Variants in SEZ6 observed in about 807,000 individuals in gnomAD.
SEZ6 encodes the protein seizure related 6 homolog.
SEZ6 carries 53 observed loss-of-function variants against 101.0 expected under a neutral mutation model. The observed-to-expected ratio is 0.52, with a 90% CI of 0.42 to 0.66. The LOEUF is 0.66. Among genes scored for constraint, SEZ6 ranks in the 30% least tolerant of loss-of-function variants. The pLI, the probability that SEZ6 is intolerant of heterozygous loss-of-function variation, is 0.00. For missense variants in SEZ6, 1,102 were observed against 1,289.4 expected (o/e 0.85, Z 2.23); for synonymous variants, 488 against 512.2 (o/e 0.95, Z 0.64).
Position 28,959,396 on chromosome 17 carries a change from C to T in SEZ6, c.1848G>A (p.Gly616=), listed in dbSNP as rs1188744601. The change falls in exon 9 of 17, where the codon GGG becomes GGA. Residue 616 remains glycine, a synonymous_variant. Transcript: ENST00000317338. This position sits in a 1 kb window ranked among gnomAD's most constrained non-coding sequence, Gnocchi z 4.4. Reference sequence around the variant, plus strand: ...CATGCACACCCCAGATACAATCCTGCCCACGACCGTAGGGCTCTGGCCAGT... The same window carrying T: ...CATGCACACCCCAGATACAATCCTGTCCACGACCGTAGGGCTCTGGCCAGT... ...SPNWPEPYGR[G]QDCIWGVHVE... 6.2e-7 allele frequency: 1 copy of T among 1,613,964 alleles called. No homozygotes were observed. The highest frequency in any genetic ancestry group is 2.2e-5 in the East Asian group (1 of 44,876).
Position 29,005,264 on chromosome 17 carries a change from G to A in SEZ6, c.55+551C>T, listed in dbSNP as rs1214110578. On this transcript the variant is annotated intron_variant, in intron 1 of 16. Coordinates refer to ENST00000317338, the MANE Select transcript of SEZ6 (RefSeq NM_178860.5). This position sits in a 1 kb window ranked among gnomAD's most constrained non-coding sequence, Gnocchi z 4.8. ...TGCTCTAGGTCCCGACTCTGGCGTG[G>A]CAGCGCCAGGGCATGGGGAGGTGAG... Among the ~76,000 whole-genome samples the A allele has an allele frequency of 3.9e-5, 6 of 152,228 alleles. No individual in the cohort carries two copies. The highest frequency in any genetic ancestry group is 7.3e-5 in the Non-Finnish European group (5 of 68,032).
At chr17:28,975,166 A>G (rs2041205600) in intron 3 of SEZ6, among the ~76,000 whole-genome samples, 1 of 152,178 alleles carries the variant, frequency 6.6e-6, no homozygotes, top group South Asian at 2.1e-4. Context: ...CCGGCTATGA[A>G]CTTACTTTGC....
chr17:28,992,473 T>G (rs1476747829), intron 1 of SEZ6, among the ~76,000 whole-genome samples: 1 of 152,158 alleles, frequency 6.6e-6, no homozygotes, highest in African/African-American at 2.4e-5. Context: ...GTCACTACCA[T>G]GTGTCCCTGC....
intron 1 of SEZ6, among the ~76,000 whole-genome samples, chr17:29,003,958 A>T (rs964806138): frequency 2.0e-5 from 3 of 152,004 alleles, no homozygotes; most frequent in African/African-American, 7.3e-5. Flanking sequence ...TCACACCCAC[A>T]TCCCCATCAG....
At position 29,001,815 on chromosome 17, in the gene SEZ6, A is replaced by G. The variant is rs1470277928; in HGVS notation, c.55+4000T>C. ...GCTGGCAGCATAGTCTCCGCCAGAAACCTCTTCTGTATAGAACCTGGCTCC... is the reference window on the plus strand; with the variant it reads ...GCTGGCAGCATAGTCTCCGCCAGAAGCCTCTTCTGTATAGAACCTGGCTCC... On this transcript the variant is annotated intron_variant, in intron 1 of 16. Transcript: ENST00000317338. Among the ~76,000 whole-genome samples the G allele has an allele frequency of 2.0e-5, 3 of 152,104 alleles. No individual in the cohort carries two copies. In the East Asian group the frequency reaches 5.8e-4, roughly 29 times the overall value.
intron 11 of SEZ6, 142 bp from the exon 12 acceptor site, chr17:28,957,681 G>A: frequency 1.0e-6 from 1 of 979,760 alleles, no homozygotes; most frequent in Admixed American, 2.8e-5. Flanking sequence ...CATTATGCTA[G>A]TGTGTCCCCC....
At chr17:28,965,241 A>G (rs2041046446) in intron 4 of SEZ6, among the ~76,000 whole-genome samples, 4 of 151,908 alleles carry the variant, frequency 2.6e-5, no homozygotes, top group African/African-American at 9.7e-5. Context: ...AATCCCAGCT[A>G]CTCGGGAGGC....
chr17:28,986,597 T>TA, intron 1 of SEZ6, among the ~76,000 whole-genome samples: 1 of 152,178 alleles, frequency 6.6e-6, no homozygotes, highest in African/African-American at 2.4e-5. Context: ...CTGGAGTCAT[T>TA]ACGCAGTGCC....
intron 1 of SEZ6, among the ~76,000 whole-genome samples, chr17:28,993,111 GTCT>G (rs2041488444): frequency 6.6e-6 from 1 of 151,970 alleles, no homozygotes; most frequent in Admixed American, 6.5e-5. Flanking sequence ...GGAAGGAATG[GTCT>G]TCTTGGCATC....
At chr17:28,997,154 G>A (rs2041553942) in intron 1 of SEZ6, among the ~76,000 whole-genome samples, 1 of 152,124 alleles carries the variant, frequency 6.6e-6, no homozygotes, top group Non-Finnish European at 1.5e-5. Context: ...GCCAGGAGAT[G>A]CGTGGGAATT....
intron 3 of SEZ6, among the ~76,000 whole-genome samples, chr17:28,972,695 C>T (rs973737386): frequency 6.6e-6 from 1 of 152,218 alleles, no homozygotes; most frequent in Non-Finnish European, 1.5e-5. Context: ...CTTGGAGATT[C>T]TGTGATTCTA....
intron 1 of SEZ6, among the ~76,000 whole-genome samples, chr17:28,983,961 A>G (rs1379747431): frequency 2.0e-5 from 3 of 152,152 alleles, no homozygotes; most frequent in African/African-American, 7.2e-5. Flanking sequence ...GGAGGGAGGA[A>G]ATTGGGTGGG....
chr17:28,980,207 CTTTTTTT>C (rs3052135), intron 2 of SEZ6, among the ~76,000 whole-genome samples: 1 of 132,934 alleles, frequency 7.5e-6, no homozygotes, highest in Non-Finnish European at 1.6e-5. Context: ...TGTTTTCTTT[CTTTTTTT>C]TTTTTTTTTT....
intron 1 of SEZ6, among the ~76,000 whole-genome samples, chr17:29,000,439 A>G (rs1399991483): frequency 1.3e-5 from 2 of 152,256 alleles, no homozygotes; most frequent in East Asian, 1.9e-4. Context: ...ACGCTTGACC[A>G]GTGAAGGCTG....
intron 14 of SEZ6, 57 bp downstream of exon 14, chr17:28,956,662 G>C (rs1416393125): frequency 7.1e-6 from 11 of 1,548,706 alleles, no homozygotes; most frequent in Admixed American, 2.0e-5. Flanking sequence ...TGACCTGGGA[G>C]CCGTGAGAAC....
chr17:28,959,432 T>A lies in SEZ6; in HGVS notation c.1812A>T (p.Val604=). The stretch of plus-strand genomic sequence containing the variant: ...AGGGCTCTGGCCAGTTGGGAGAGAG[T>A]ACCACGCCAGCCGAGTCTGTGATCT... The part of the protein sequence containing the change: ...SGEITDSAGV[V]LSPNWPEPYG... The change falls in exon 9 of 17, where the codon GTA becomes GTT. Residue 604 remains valine (V), a synonymous_variant. Transcript: ENST00000317338. This position sits in a 1 kb window ranked among gnomAD's most constrained non-coding sequence, Gnocchi z 4.4. 1 of 1,613,120 alleles carries A rather than the reference T, an allele frequency of 6.2e-7. No homozygotes were observed. Among genetic ancestry groups the A allele is most frequent in the Non-Finnish European group, 8.5e-7 (1 of 1,179,734 alleles).
Position 28,957,039 on chromosome 17 carries a change from A to T in SEZ6, c.2692+6T>A. 2 of 1,575,910 alleles carry T rather than the reference A, an allele frequency of 1.3e-6. No homozygotes were observed. Among genetic ancestry groups the T allele is most frequent in the Middle Eastern group, 3.4e-4 (2 of 5,926 alleles). On this transcript the variant is annotated splice_donor_region_variant and intron_variant, in intron 13 of 16. Coordinates refer to ENST00000317338, the MANE Select transcript of SEZ6 (RefSeq NM_178860.5). Reference sequence around the variant, plus strand: ...GGAGGGTTTTGAGGGGTGACAGGGCACTCACCAGCCCTACAGATGGGTGGG... The same window carrying T: ...GGAGGGTTTTGAGGGGTGACAGGGCTCTCACCAGCCCTACAGATGGGTGGG...
chr17:28,956,021 G>C (rs752842551), intron 16 of SEZ6, 27 bp from the exon 17 acceptor site: 1 of 1,611,666 alleles, frequency 6.2e-7, no homozygotes, highest in South Asian at 1.1e-5. Flanking sequence ...ACTTGTATTA[G>C]GTTTGCCAGG....
intron 4 of SEZ6, among the ~76,000 whole-genome samples, chr17:28,964,851 G>T (rs536707792): frequency 6.6e-6 from 1 of 152,246 alleles, no homozygotes; most frequent in Non-Finnish European, 1.5e-5. Flanking sequence ...GAGGTCGGGA[G>T]TTCGAGACAA....
Sources: allele counts gnomAD v4.1 joint callset (sites outside exome capture counted in the v4.1 genomes callset), GRCh38; gene constraint gnomAD v4.1.1; non-coding constraint Gnocchi (gnomAD v3.1); transcripts MANE v1.5; gene names NCBI Gene and HGNC (gene_info 2026-07-23, HGNC 2026-07-21).